The following PXDNL variants were observed in gnomAD, a reference collection of about 807,000 sequenced individuals.
The protein encoded by PXDNL is peroxidasin like, also known as probable oxidoreductase PXDNL.
A neutral mutation model predicts 150.8 loss-of-function variants in PXDNL; 145 were observed. The observed-to-expected ratio is 0.96, with a 90% CI of 0.84 to 1.10. The LOEUF (loss-of-function observed/expected upper bound fraction) is 1.10, where lower values mean the gene tolerates loss of function less well. Among genes scored for constraint, PXDNL ranks in the 50% least tolerant of loss-of-function variants. The pLI is 0.00. For synonymous variants in PXDNL, 757 were observed against 725.7 expected (o/e 1.04, Z -0.69); for missense variants, 2,087 against 1,873.9 (o/e 1.11, Z -2.10).
chr8:51,651,911 CTTGATCT>C (rs574305647), intron 2 of PXDNL, among the ~76,000 whole-genome samples: 164 of 152,286 alleles, frequency 1.1e-3, no homozygotes, highest in African/African-American at 3.7e-3. Flanking sequence ...ATAACAGATC[CTTGATCT>C]TACCCTCTAG....
At chr8:51,548,415 G>A (rs1812410298) in intron 4 of PXDNL, among the ~76,000 whole-genome samples, 1 of 152,070 alleles carries the variant, frequency 6.6e-6, no homozygotes, top group South Asian at 2.1e-4. Flanking sequence ...CAAGATGAAG[G>A]GAAAAATCTT....
chr8:51,414,068 A>C (rs978037941), intron 14 of PXDNL, among the ~76,000 whole-genome samples: 9 of 152,098 alleles, frequency 5.9e-5, no homozygotes, highest in African/African-American at 2.2e-4. Context: ...GTTTGAAAAT[A>C]ATGTCATTTA....
intron 13 of PXDNL, among the ~76,000 whole-genome samples, chr8:51,425,820 TCAAAAAAAAAAAA>T (rs1303946227): frequency 6.8e-6 from 1 of 147,570 alleles, no homozygotes; most frequent in Non-Finnish European, 1.5e-5. Context: ...AGACTCCGTC[TCAAAAAAAAAAAA>T]CAAAAAAATT....
At chr8:51,362,214 C>T (rs1323875166) in intron 19 of PXDNL, among the ~76,000 whole-genome samples, 1 of 152,168 alleles carries the variant, frequency 6.6e-6, no homozygotes, top group African/African-American at 2.4e-5. Flanking sequence ...AAAGATAAGA[C>T]CTCCGGTAAA....
intron 12 of PXDNL, among the ~76,000 whole-genome samples, chr8:51,429,088 A>C (rs1384143692): frequency 6.6e-6 from 1 of 152,270 alleles, no homozygotes; most frequent in Non-Finnish European, 1.5e-5. Flanking sequence ...GGTGCTAAAG[A>C]TCAGAAGTCA....
intron 3 of PXDNL, among the ~76,000 whole-genome samples, chr8:51,585,234 T>C (rs548685480): frequency 3.9e-5 from 6 of 152,274 alleles, no homozygotes; most frequent in African/African-American, 1.2e-4. Flanking sequence ...CAGGGAAATA[T>C]TGAGTTAGAA....
At chr8:51,621,749 G>A (rs1357899783) in intron 2 of PXDNL, among the ~76,000 whole-genome samples, 2 of 151,994 alleles carry the variant, frequency 1.3e-5, no homozygotes, top group African/African-American at 2.4e-5. Context: ...AGACCAGCCT[G>A]GGCAATATGG....
At chr8:51,730,214 C>T (rs552911424) in intron 1 of PXDNL, among the ~76,000 whole-genome samples, 732 of 28,060 alleles carry the variant, frequency 0.026, 6 homozygotes, top group African/African-American at 0.036. Context: ...AGCAAGATGG[C>T]ATATGGGCCC....
At chr8:51,802,438 T>C (rs1197168866) in intron 1 of PXDNL, among the ~76,000 whole-genome samples, 1 of 152,196 alleles carries the variant, frequency 6.6e-6, no homozygotes, top group Non-Finnish European at 1.5e-5. Flanking sequence ...CCAAAGCAAA[T>C]TCGTAAACTT....
chr8:51,437,068 A>G (rs754023395), intron 12 of PXDNL, among the ~76,000 whole-genome samples: 2 of 152,168 alleles, frequency 1.3e-5, no homozygotes, highest in Non-Finnish European at 2.9e-5. Flanking sequence ...CTACTATGCA[A>G]ACCTTCATGT....
At chr8:51,607,320 A>G (rs969333080) in intron 2 of PXDNL, among the ~76,000 whole-genome samples, 2 of 152,174 alleles carry the variant, frequency 1.3e-5, no homozygotes, top group Non-Finnish European at 2.9e-5. Context: ...ATTGGCACTA[A>G]TAGAAGTAAT....
chr8:51,486,907 TCTC>T (rs1298813948), intron 5 of PXDNL, among the ~76,000 whole-genome samples: 2 of 145,024 alleles, frequency 1.4e-5, no homozygotes, highest in African/African-American at 5.1e-5. Context: ...TTCAAGCAAT[TCTC>T]CTGCCTCAGC....
At chr8:51,465,650 C>G (rs971984827) in intron 8 of PXDNL, among the ~76,000 whole-genome samples, 4 of 152,062 alleles carry the variant, frequency 2.6e-5, no homozygotes, top group African/African-American at 9.7e-5. Flanking sequence ...ACCATGAAAA[C>G]CCTACACTCC....
chr8:51,625,494 GA>G (rs1159380862), intron 2 of PXDNL, among the ~76,000 whole-genome samples: 7 of 152,054 alleles, frequency 4.6e-5, no homozygotes, highest in Non-Finnish European at 8.8e-5. Flanking sequence ...CATTTAAATT[GA>G]AAACCAGTAT....
intron 19 of PXDNL, among the ~76,000 whole-genome samples, chr8:51,364,785 G>A (rs1445622583): frequency 1.4e-4 from 22 of 152,126 alleles, no homozygotes; most frequent in Non-Finnish European, 1.0e-4. Context: ...AAAATTAATA[G>A]GAAGACTTCA....
intron 17 of PXDNL, among the ~76,000 whole-genome samples, chr8:51,375,751 C>T (rs1252750511): frequency 1.3e-5 from 2 of 152,130 alleles, no homozygotes; most frequent in Non-Finnish European, 2.9e-5. Context: ...TCTTCATATG[C>T]ACAAGAGTTT....
At chr8:51,728,518 C>G (rs1401254462) in intron 1 of PXDNL, among the ~76,000 whole-genome samples, 1 of 151,914 alleles carries the variant, frequency 6.6e-6, no homozygotes, top group Non-Finnish European at 1.5e-5. Flanking sequence ...TATTGATGAT[C>G]CTGATCCTGT....
At position 51,451,490 on chromosome 8, in the gene PXDNL, G is replaced by A. The variant is rs80067815; in HGVS notation, c.1249+2029C>T. On this transcript the variant is annotated intron_variant, in intron 10 of 22. Coordinates refer to ENST00000356297, the MANE Select transcript of PXDNL (RefSeq NM_144651.5). ...CTCCAGTGCTAAAATAGCACATGCCGAGATGAAGTGTTTTGCTATTTTATT... is the reference window on the plus strand; with the variant it reads ...CTCCAGTGCTAAAATAGCACATGCCAAGATGAAGTGTTTTGCTATTTTATT... 1.4e-3 allele frequency among the ~76,000 whole-genome samples: 220 copies of A among 152,324 alleles called. 2 individuals are homozygous for A. Among genetic ancestry groups the A allele is most frequent in the East Asian group, 0.012 (61 of 5,192 alleles).
At chr8:51,687,555 C>T (rs1469845536) in intron 1 of PXDNL, among the ~76,000 whole-genome samples, 1 of 152,120 alleles carries the variant, frequency 6.6e-6, no homozygotes, top group Middle Eastern at 3.2e-3. Context: ...TAGAAGATCA[C>T]AAAAGACCTA....
Sources: allele counts gnomAD v4.1 joint callset (sites outside exome capture counted in the v4.1 genomes callset), GRCh38; gene constraint gnomAD v4.1.1; transcripts MANE v1.5; gene names NCBI Gene and HGNC (gene_info 2026-07-23, HGNC 2026-07-21).